The following ATP10A variants were observed in gnomAD, a reference collection of about 807,000 sequenced individuals.
ATP10A encodes the protein phospholipid-transporting ATPase VA.
ATP10A carries 111 observed loss-of-function variants against 147.8 expected under a neutral mutation model. The observed-to-expected ratio is 0.75, with a 90% CI of 0.64 to 0.88. ATP10A has a LOEUF of 0.88. Among genes scored for constraint, ATP10A ranks in the 40% least tolerant of loss-of-function variants. The pLI, the probability that ATP10A is intolerant of heterozygous loss-of-function variation, is 0.00. For synonymous variants in ATP10A, 875 were observed against 841.6 expected (o/e 1.04, Z -0.69); for missense variants, 1,927 against 1,959.0 (o/e 0.98, Z 0.31).
chr15:25,794,539 C>CT (rs1336178898), intron 1 of ATP10A, among the ~76,000 whole-genome samples: 27 of 152,164 alleles, frequency 1.8e-4, no homozygotes, highest in African/African-American at 6.5e-4. Context: ...ATAGAGGGGA[C>CT]TTTAACACAT....
chr15:25,689,326 A>G (rs562773193), intron 15 of ATP10A, among the ~76,000 whole-genome samples: 1 of 152,320 alleles, frequency 6.6e-6, no homozygotes, highest in African/African-American at 2.4e-5. Flanking sequence ...TAGAGGGTGC[A>G]GGACAAATAG....
rs1027939361 is a variant in ATP10A at position 25,779,540 on chromosome 15, C to T, written c.654+1479G>A. Among the ~76,000 whole-genome samples, 13 of 150,692 alleles carry T rather than the reference C, an allele frequency of 8.6e-5. 1 individual carries two copies. Among genetic ancestry groups the T allele is most frequent in the Admixed American group, 6.0e-4 (9 of 15,126 alleles). ...AGAAGCTGAGAGTGAGACGGGCTCA[C>T]GCCCCTGACTTCCTGAAGAGAGCCG... On this transcript the variant is annotated intron_variant, in intron 2 of 20. Coordinates refer to ENST00000555815, the MANE Select transcript of ATP10A (RefSeq NM_024490.4).
intron 1 of ATP10A, among the ~76,000 whole-genome samples, chr15:25,811,626 C>T (rs555175714): frequency 1.3e-5 from 2 of 152,048 alleles, no homozygotes; most frequent in Non-Finnish European, 2.9e-5. Flanking sequence ...ATAGGTGGGA[C>T]GTGATCTGAA....
chr15:25,793,883 TC>T (rs781742677), intron 1 of ATP10A, among the ~76,000 whole-genome samples: 4 of 152,200 alleles, frequency 2.6e-5, no homozygotes, highest in Non-Finnish European at 5.9e-5. Flanking sequence ...GATGCTCTGC[TC>T]TGTGGGACTC....
intron 1 of ATP10A, among the ~76,000 whole-genome samples, chr15:25,801,306 G>A (rs1292998070): frequency 1.3e-5 from 2 of 152,156 alleles, no homozygotes; most frequent in African/African-American, 4.8e-5. Flanking sequence ...GACCAGCAGA[G>A]AAGAGGAGCG....
chr15:25,860,152 A>G (rs1893693619), intron 1 of ATP10A, among the ~76,000 whole-genome samples: 2 of 152,168 alleles, frequency 1.3e-5, no homozygotes, highest in South Asian at 4.2e-4. Flanking sequence ...CTTCATGTCG[A>G]TGCTTCACCC....
chr15:25,709,774 AG>A (rs1901283079), intron 10 of ATP10A: 1 of 152,376 alleles, frequency 6.6e-6, no homozygotes, highest in African/African-American at 2.4e-5. Flanking sequence ...CCTTCTGGCG[AG>A]ATCTGCCCCT....
chr15:25,835,554 G>T (rs1892553939), intron 1 of ATP10A, among the ~76,000 whole-genome samples: 1 of 152,104 alleles, frequency 6.6e-6, no homozygotes, highest in East Asian at 1.9e-4. Flanking sequence ...TCCCAAGCCT[G>T]GCCCTTTGCA....
chr15:25,850,649 C>T lies in ATP10A; in HGVS notation c.449+11999G>A, dbSNP rs558045409. On this transcript the variant is annotated intron_variant, in intron 1 of 20. Coordinates refer to ENST00000555815, the MANE Select transcript of ATP10A (RefSeq NM_024490.4). The stretch of plus-strand genomic sequence containing the variant: ...CCATTCTCCCTCCCTCCCTCCCCCC[C>T]CAGCCCCGGTGACTCACTCCGCGGC... 8.6e-5 allele frequency among the ~76,000 whole-genome samples: 13 copies of T among 150,396 alleles called. No homozygotes were observed. In the South Asian group the frequency reaches 1.7e-3, roughly 20 times the overall value.
chr15:25,780,010 C>A (rs895256277), intron 2 of ATP10A, among the ~76,000 whole-genome samples: 2 of 152,172 alleles, frequency 1.3e-5, no homozygotes, highest in Non-Finnish European at 2.9e-5. Context: ...CAGGCATCTC[C>A]CCCTGTGACG....
Position 25,716,936 on chromosome 15 carries a change from G to A in ATP10A, c.1582-12C>T. ...GTGATATCCTTCTCCTGGGAGAAAG[G>A]GAGGCTGGCAGTGAGTCCCACCCAG... On this transcript the variant is annotated splice_polypyrimidine_tract_variant and intron_variant, in intron 8 of 20. Coordinates refer to ENST00000555815, the MANE Select transcript of ATP10A (RefSeq NM_024490.4). The A allele has an allele frequency of 6.5e-7, 1 of 1,547,398 alleles. No individual in the cohort carries two copies. The highest frequency in any genetic ancestry group is 8.7e-7 in the Non-Finnish European group (1 of 1,143,844).
At chr15:25,804,076 GGT>G (rs5811398) in intron 1 of ATP10A, among the ~76,000 whole-genome samples, 90,253 of 144,078 alleles carry the variant, frequency 0.63, 31,326 homozygotes, top group East Asian at 0.95. Flanking sequence ...CTACGTGCAT[GGT>G]GTGTGTGTGT....
intron 1 of ATP10A, among the ~76,000 whole-genome samples, chr15:25,831,226 C>A (rs1892342368): frequency 6.6e-6 from 1 of 152,058 alleles, no homozygotes; most frequent in Non-Finnish European, 1.5e-5. Context: ...GGCTCGGGGG[C>A]CTCGGGGGCT....
Position 25,712,536 on chromosome 15 carries a change from A to AT in ATP10A, c.2344+1137dup, listed in dbSNP as rs953795760. 4.3e-4 allele frequency among the ~76,000 whole-genome samples: 65 copies of AT among 151,666 alleles called. 1 individual carries two copies. The highest frequency in any genetic ancestry group is 1.2e-3 in the African/African-American group (50 of 41,334). Reference sequence around the variant, plus strand: ...AACCCAAGGCTGTGGAATAAGAGAGATTTTTTTTTGCTGTAGAATGAAATC... The same window carrying AT: ...AACCCAAGGCTGTGGAATAAGAGAGATTTTTTTTTTGCTGTAGAATGAAATC... On this transcript the variant is annotated intron_variant, in intron 10 of 20. Coordinates refer to ENST00000555815, the MANE Select transcript of ATP10A (RefSeq NM_024490.4).
At chr15:25,783,552 C>A (rs1248959956) in intron 1 of ATP10A, among the ~76,000 whole-genome samples, 1 of 152,196 alleles carries the variant, frequency 6.6e-6, no homozygotes, top group Non-Finnish European at 1.5e-5. Flanking sequence ...GGAGTGTCCC[C>A]TGCCATTTTA....
intron 1 of ATP10A, among the ~76,000 whole-genome samples, chr15:25,794,982 C>A (rs1890600287): frequency 6.6e-6 from 1 of 152,110 alleles, no homozygotes; most frequent in African/African-American, 2.4e-5. Flanking sequence ...TAAGGAAGGC[C>A]CAAAACTCAA....
chr15:25,743,500 T>G (rs1887677141), intron 2 of ATP10A, among the ~76,000 whole-genome samples: 1 of 151,960 alleles, frequency 6.6e-6, no homozygotes, highest in Admixed American at 6.6e-5. Flanking sequence ...AAATCCAGAG[T>G]TGAGGCTGGG....
chr15:25,823,922 G>A lies in ATP10A; in HGVS notation c.449+38726C>T, dbSNP rs150935997. 8.9e-4 allele frequency among the ~76,000 whole-genome samples: 135 copies of A among 152,258 alleles called. No homozygotes were observed. The Middle Eastern group carries it at 0.014, about 15-fold the overall frequency. ...AGAGTAAACATATTAGGCTCTGCAG[G>A]TCATGTGCGTTCTTTTGCACCTATG... is the stretch of plus-strand genomic sequence containing the variant. On this transcript the variant is annotated intron_variant, in intron 1 of 20. Transcript: ENST00000555815.
At chr15:25,698,224 G>A (rs566882704) in intron 13 of ATP10A, among the ~76,000 whole-genome samples, 2 of 152,270 alleles carry the variant, frequency 1.3e-5, no homozygotes, top group African/African-American at 4.8e-5. Flanking sequence ...AATAAATTAT[G>A]TATGGCATAC....
Sources: allele counts gnomAD v4.1 joint callset (sites outside exome capture counted in the v4.1 genomes callset), GRCh38; gene constraint gnomAD v4.1.1; transcripts MANE v1.5; gene names NCBI Gene and HGNC (gene_info 2026-07-23, HGNC 2026-07-21).